XYLT1: variants seen among roughly 807,000 people sequenced by gnomAD.
XYLT1 encodes the protein beta-D-xylosyltransferase 1.
XYLT1 carries 36 observed loss-of-function variants against 91.3 expected under a neutral mutation model. The ratio of observed to expected loss-of-function variants is 0.39; its 90% confidence interval spans 0.30 to 0.52. The LOEUF (loss-of-function observed/expected upper bound fraction) is 0.52. Ranked by LOEUF, XYLT1 falls within the 20% of genes least tolerant of loss-of-function variation. XYLT1 has a pLI of 0.68. For missense variants in XYLT1, 1,242 were observed against 1,284.5 expected (o/e 0.97, Z 0.51); for synonymous variants, 588 against 532.0 (o/e 1.11, Z -1.45).
At chr16:17,447,409 C>G (rs556165499) in intron 1 of XYLT1, among the ~76,000 whole-genome samples, 1 of 152,360 alleles carries the variant, frequency 6.6e-6, no homozygotes, top group East Asian at 1.9e-4. Context: ...ATTCTAGACC[C>G]TGTGCCAGGC....
intron 1 of XYLT1, among the ~76,000 whole-genome samples, chr16:17,452,148 A>G (rs886389086): frequency 6.6e-6 from 1 of 152,096 alleles, no homozygotes; most frequent in Admixed American, 6.5e-5. Flanking sequence ...ATAGATTCTA[A>G]CCCTAAGAGG....
At chr16:17,235,401 G>A (rs780162987) in intron 3 of XYLT1, among the ~76,000 whole-genome samples, 19 of 147,922 alleles carry the variant, frequency 1.3e-4, no homozygotes, top group Non-Finnish European at 2.4e-4. Context: ...CACCCATCCT[G>A]CAAAAGGACG....
At chr16:17,150,944 T>C (rs143862239) in intron 6 of XYLT1, among the ~76,000 whole-genome samples, 93 of 152,172 alleles carry the variant, frequency 6.1e-4, no homozygotes, top group Admixed American at 8.5e-4. Context: ...AAATTGAAAG[T>C]GCAAGGGCCC....
At chr16:17,190,753 A>G (rs2032292365) in intron 5 of XYLT1, among the ~76,000 whole-genome samples, 1 of 152,148 alleles carries the variant, frequency 6.6e-6, no homozygotes, top group African/African-American at 2.4e-5. Context: ...CACAATAAAT[A>G]TACATGTGCA....
intron 1 of XYLT1, among the ~76,000 whole-genome samples, chr16:17,468,412 TGA>T (rs2036929066): frequency 6.6e-6 from 1 of 150,652 alleles, no homozygotes; most frequent in Non-Finnish European, 1.5e-5. Context: ...GTAAAGAAAT[TGA>T]GACATTAGGA....
At chr16:17,464,417 G>C in intron 1 of XYLT1, among the ~76,000 whole-genome samples, 1 of 149,944 alleles carries the variant, frequency 6.7e-6, no homozygotes, top group East Asian at 2.0e-4. Flanking sequence ...GCTTGAACCT[G>C]AGAGGCGGAG....
chr16:17,464,391 C>G (rs371175595), intron 1 of XYLT1, among the ~76,000 whole-genome samples: 1 of 150,684 alleles, frequency 6.6e-6, no homozygotes, highest in Non-Finnish European at 1.5e-5. Context: ...AATCAGGAGG[C>G]TGAGGCAGGA....
chr16:17,138,219 TAACTATTATTAATTATCAACA>T, intron 8 of XYLT1, 115 bp downstream of exon 8: 1 of 866,008 alleles, frequency 1.2e-6, no homozygotes, highest in Non-Finnish European at 1.6e-6. Flanking sequence ...TTGATACTGT[TAACTATTATTAATTATCAACA>T]GCCAGGTTTG....
In XYLT1 at chr16:17,134,594, C is replaced by A. The variant is rs748773365; in HGVS notation, c.1906G>T (p.Asp636Tyr). The change falls in exon 9 of 12, where the codon GAT (aspartate) becomes TAT (tyrosine). Residue 636 changes from aspartate (D) to tyrosine (Y), a missense_variant. By Grantham distance (160) the Asp-to-Tyr change is radical. This residue lies in a region of XYLT1 where 511 missense variants were observed against 497.0 expected (regional missense o/e 1.03). Coordinates refer to ENST00000261381, the MANE Select transcript of XYLT1 (RefSeq NM_022166.4). ...AGGCTGTGGATGCCGTCAGGCTCAT[C>A]GTAGACATTCTCCCAGTAGGAGCGC... ...GLRSYWENVY[D>Y]EPDGIHSLSD... 1 of 1,614,180 alleles carries A rather than the reference C, an allele frequency of 6.2e-7. No individual in the cohort carries two copies. The highest frequency in any genetic ancestry group is 1.1e-5 in the South Asian group (1 of 91,088).
intron 2 of XYLT1, among the ~76,000 whole-genome samples, chr16:17,335,244 C>CA (rs35572877): frequency 0.084 from 12,423 of 147,298 alleles, 1,053 homozygotes; most frequent in African/African-American, 0.22. Flanking sequence ...CAATAACAAA[C>CA]AAAAAAAAAA....
At chr16:17,440,652 T>C (rs2036521914) in intron 1 of XYLT1, among the ~76,000 whole-genome samples, 1 of 152,236 alleles carries the variant, frequency 6.6e-6, no homozygotes, top group African/African-American at 2.4e-5. Flanking sequence ...TAAGTTCCAC[T>C]TCACATGTCA....
At chr16:17,246,118 C>G (rs145056455) in intron 3 of XYLT1, among the ~76,000 whole-genome samples, 1 of 152,348 alleles carries the variant, frequency 6.6e-6, no homozygotes, top group Non-Finnish European at 1.5e-5. Flanking sequence ...GAACCAAAGT[C>G]TCTGAGCTCA....
In XYLT1 at chr16:17,117,872, A is replaced by C. The variant is rs7201590; in HGVS notation, c.2331T>G (p.Asn777Lys). ...CCACCCAAATGACGGTCACGGTCAC[A>C]TTAGGTCCCTTCCCCCACTTCTGCA... ...VGMQKWGKGP[N>K]VTVTVIWVDP... The change falls in exon 11 of 12, where the codon AAT (asparagine) becomes AAG (lysine). Residue 777 changes from asparagine to lysine, a missense_variant. Transcript: ENST00000261381. 1.1e-5 allele frequency: 17 copies of C among 1,613,912 alleles called. No individual in the cohort carries two copies. Among genetic ancestry groups the C allele is most frequent in the African/African-American group, 4.0e-5 (3 of 74,830 alleles).
At chr16:17,293,661 G>A (rs1210608708) in intron 2 of XYLT1, among the ~76,000 whole-genome samples, 1 of 152,028 alleles carries the variant, frequency 6.6e-6, no homozygotes, top group East Asian at 1.9e-4. Context: ...CTAATTGTTT[G>A]TAATTTTGGT....
intron 1 of XYLT1, among the ~76,000 whole-genome samples, chr16:17,456,521 T>C (rs1440120848): frequency 6.6e-6 from 1 of 151,880 alleles, no homozygotes; most frequent in African/African-American, 2.4e-5. Context: ...TTTATGTTTT[T>C]GTAAAGACGA....
intron 10 of XYLT1, among the ~76,000 whole-genome samples, chr16:17,125,566 A>AG (rs1253866438): frequency 1.3e-5 from 2 of 151,918 alleles, no homozygotes; most frequent in African/African-American, 4.8e-5. Context: ...GGAATGCTCC[A>AG]GATCTCCCGA....
chr16:17,137,998 C>CAAAT (rs750709212), intron 8 of XYLT1, among the ~76,000 whole-genome samples: 5 of 151,580 alleles, frequency 3.3e-5, no homozygotes, highest in African/African-American at 1.2e-4. Flanking sequence ...ACAAATGTAA[C>CAAAT]AAATATTTTG....
At chr16:17,316,762 G>A (rs2034638548) in intron 2 of XYLT1, among the ~76,000 whole-genome samples, 1 of 151,222 alleles carries the variant, frequency 6.6e-6, no homozygotes, top group Admixed American at 6.6e-5. Flanking sequence ...GGATTTGGTG[G>A]TAAAGCTAAT....
At chr16:17,415,094 T>C (rs115629141) in intron 1 of XYLT1, among the ~76,000 whole-genome samples, 32 of 152,236 alleles carry the variant, frequency 2.1e-4, no homozygotes, top group African/African-American at 7.7e-4. Flanking sequence ...TTCATTCCCA[T>C]TTTGCAGAAG....
Sources: allele counts gnomAD v4.1 joint callset (sites outside exome capture counted in the v4.1 genomes callset), GRCh38; gene constraint gnomAD v4.1.1; regional missense constraint gnomAD v4.1.1; transcripts MANE v1.5; gene names NCBI Gene and HGNC (gene_info 2026-07-23, HGNC 2026-07-21).